PTPN1: variants seen among roughly 807,000 people sequenced by gnomAD.
PTPN1 encodes protein tyrosine phosphatase non-receptor type 1.
A neutral mutation model predicts 59.9 loss-of-function variants in PTPN1; 12 were observed. The observed-to-expected ratio is 0.20, with a 90% CI of 0.13 to 0.32. PTPN1 has a LOEUF of 0.32. Ranked by LOEUF, PTPN1 falls within the 10% of genes least tolerant of loss-of-function variation. The pLI, the probability that PTPN1 is intolerant of heterozygous loss-of-function variation, is 1.00. For missense variants in PTPN1, 356 were observed against 549.2 expected, an observed-to-expected ratio of 0.65 and a Z score of 3.52; for synonymous variants, 178 against 203.6, an observed-to-expected ratio of 0.87 and a Z score of 1.07.
chr20:50,576,897 A>T (rs926428724), intron 5 of PTPN1, among the ~76,000 whole-genome samples: 3 of 152,136 alleles, frequency 2.0e-5, no homozygotes, highest in Admixed American at 6.5e-5. Flanking sequence ...ATAATTTTTT[A>T]AAAATACATT....
chr20:50,516,751 G>T (rs1341052354), intron 1 of PTPN1, among the ~76,000 whole-genome samples: 1 of 152,050 alleles, frequency 6.6e-6, no homozygotes, highest in African/African-American at 2.4e-5. Flanking sequence ...GTAGCAATTG[G>T]GTGGCTTTTC....
chr20:50,516,743 A>C (rs10485614), intron 1 of PTPN1, among the ~76,000 whole-genome samples: 7,193 of 152,250 alleles, frequency 0.047, 244 homozygotes, highest in Middle Eastern at 0.075. Flanking sequence ...TCTCTCAAGT[A>C]GCAATTGGGT....
chr20:50,582,374 TTAAG>T lies in PTPN1; in HGVS notation c.1285-313_1285-310del, dbSNP rs1297030842. Among the ~76,000 whole-genome samples the T allele has an allele frequency of 1.3e-5, 2 of 152,226 alleles. No individual in the cohort carries two copies. Among genetic ancestry groups the T allele is most frequent in the Non-Finnish European group, 2.9e-5 (2 of 68,042 alleles). ...TTCACACGTTAGACGTGTGTTGCTG[TTAAG>T]TAAGGGGAAGAGAGAGGACTAGCCT... On this transcript the variant is annotated intron_variant, in intron 9 of 9. Transcript: ENST00000371621. This position sits in a 1 kb window ranked among gnomAD's most constrained non-coding sequence, Gnocchi z 4.2.
rs373595819 is a variant in PTPN1 at position 50,582,752 on chromosome 20, G to A, written c.*37G>A. ...TCCACTCCACCTCCACCCACTGTCC[G>A]CCTCTGCCCGCAGAGCCCACGCCCG... On this transcript the variant is annotated 3_prime_UTR_variant, in exon 10 of 10. Transcript: ENST00000371621. This position sits in a 1 kb window ranked among gnomAD's most constrained non-coding sequence, Gnocchi z 4.2. 9.3e-6 allele frequency: 15 copies of A among 1,611,778 alleles called. No homozygotes were observed. The highest frequency in any genetic ancestry group is 4.5e-5 in the East Asian group (2 of 44,854).
At chr20:50,581,196 C>T in intron 8 of PTPN1, 69 bp from the exon 9 acceptor site, 1 of 1,520,258 alleles carries the variant, frequency 6.6e-7, no homozygotes, top group African/African-American at 1.4e-5. Flanking sequence ...ATTCCTGCCA[C>T]AATAGCAGCA....
intron 1 of PTPN1, among the ~76,000 whole-genome samples, chr20:50,511,409 G>A (rs1396842232): frequency 6.6e-6 from 1 of 152,116 alleles, no homozygotes; most frequent in Admixed American, 6.5e-5. Context: ...GCAGAAAGCC[G>A]TGAGAATATG....
At position 50,569,578 on chromosome 20, in the gene PTPN1, T is replaced by C. The variant is rs535941899; in HGVS notation, c.354+1100T>C. ...CTGTGTAGATTGTCTGTGTAGACTG[T>C]CCTGTGTAGACTGTCCATGTAAACT... On this transcript the variant is annotated intron_variant, in intron 4 of 9. Transcript: ENST00000371621. Among the ~76,000 whole-genome samples the C allele has an allele frequency of 2.6e-5, 4 of 152,130 alleles. No individual in the cohort carries two copies. In the South Asian group the frequency reaches 8.3e-4, roughly 32 times the overall value.
In PTPN1 at chr20:50,568,419, G is replaced by T; in HGVS notation, c.295G>T (p.Val99Leu). Residue 99 changes from valine (V) to leucine (L), a missense_variant, in exon 4 of 10, where the codon GTG (valine) becomes TTG (leucine). Physicochemically the swap from Val to Leu is conservative, Grantham distance 32. Coordinates refer to ENST00000371621, the MANE Select transcript of PTPN1 (RefSeq NM_002827.4). The surrounding 1 kb of genome is among the most constrained non-coding windows in gnomAD (Gnocchi z 5.6). ...CACATGCGGTCACTTTTGGGAGATG[G>T]TGTGGGAGCAGAAAAGCAGGGGTGT... Reference protein sequence around the residue: ...PNTCGHFWEMVWEQKSRGVVM... With the variant: ...PNTCGHFWEMLWEQKSRGVVM... 6.2e-7 allele frequency: 1 copy of T among 1,614,190 alleles called. No individual in the cohort carries two copies. Among genetic ancestry groups the T allele is most frequent in the Non-Finnish European group, 8.5e-7 (1 of 1,179,998 alleles).
chr20:50,533,063 T>C (rs2082608445), intron 1 of PTPN1, among the ~76,000 whole-genome samples: 1 of 152,050 alleles, frequency 6.6e-6, no homozygotes, highest in Admixed American at 6.6e-5. Flanking sequence ...GGTTTTTGCC[T>C]CTGGTCTACA....
At chr20:50,539,026 C>CTTTTT (rs71190576) in intron 1 of PTPN1, among the ~76,000 whole-genome samples, 2 of 85,292 alleles carry the variant, frequency 2.3e-5, no homozygotes, top group Non-Finnish European at 4.5e-5. Flanking sequence ...CTTCTCAATT[C>CTTTTT]TTTTTTTTTT....
intron 1 of PTPN1, among the ~76,000 whole-genome samples, chr20:50,543,727 G>C (rs1022743626): frequency 2.6e-5 from 4 of 152,104 alleles, no homozygotes; most frequent in Non-Finnish European, 5.9e-5. Context: ...AATGTTAAAT[G>C]CTTTTTTTAA....
chr20:50,529,921 C>T (rs1222067989), intron 1 of PTPN1, among the ~76,000 whole-genome samples: 1 of 152,108 alleles, frequency 6.6e-6, no homozygotes, highest in African/African-American at 2.4e-5. Context: ...GTCGCCCAGG[C>T]TGGAGTGCAG....
At chr20:50,551,819 T>C (rs1413024843) in intron 1 of PTPN1, among the ~76,000 whole-genome samples, 2 of 152,246 alleles carry the variant, frequency 1.3e-5, no homozygotes, top group Non-Finnish European at 2.9e-5. Context: ...TTCAGGGGAC[T>C]CTTCTGGGAA....
chr20:50,535,541 C>A (rs184181594), intron 1 of PTPN1, among the ~76,000 whole-genome samples: 1 of 152,138 alleles, frequency 6.6e-6, no homozygotes, highest in Non-Finnish European at 1.5e-5. Context: ...TGCCCTAATT[C>A]GCCTTAGGAC....
At chr20:50,524,988 C>CAATTTT (rs1478102264) in intron 1 of PTPN1, among the ~76,000 whole-genome samples, 1 of 152,124 alleles carries the variant, frequency 6.6e-6, no homozygotes, top group Non-Finnish European at 1.5e-5. Context: ...TTTTAAATGG[C>CAATTTT]TAAGTGATAA....
intron 1 of PTPN1, among the ~76,000 whole-genome samples, chr20:50,511,774 TTAAA>T (rs1026931302): frequency 5.3e-5 from 8 of 152,224 alleles, no homozygotes; most frequent in South Asian, 2.1e-4. Flanking sequence ...GCACAGTATC[TTAAA>T]TAAGCGATAT....
chr20:50,579,088 G>T, intron 6 of PTPN1, 80 bp from the exon 7 acceptor site: 3 of 1,456,210 alleles, frequency 2.1e-6, no homozygotes, highest in Non-Finnish European at 2.9e-6. Context: ...GATTGGGAGG[G>T]GACAGACATC....
At chr20:50,524,569 C>CTTTGTTTTTTTTTTTTTT (rs2082565200) in intron 1 of PTPN1, among the ~76,000 whole-genome samples, 1 of 45,782 alleles carries the variant, frequency 2.2e-5, no homozygotes, top group African/African-American at 1.1e-4. Flanking sequence ...ATTATGTGGT[C>CTTTGTTTTTTTTTTTTTT]TTTTTTTTTT....
At chr20:50,540,451 A>G (rs960557917) in intron 1 of PTPN1, among the ~76,000 whole-genome samples, 18 of 152,334 alleles carry the variant, frequency 1.2e-4, no homozygotes, top group African/African-American at 4.1e-4. Flanking sequence ...CAGCTCTTAC[A>G]TGAACTCATA....
Sources: allele counts gnomAD v4.1 joint callset (sites outside exome capture counted in the v4.1 genomes callset), GRCh38; gene constraint gnomAD v4.1.1; non-coding constraint Gnocchi (gnomAD v3.1); transcripts MANE v1.5; gene names NCBI Gene and HGNC (gene_info 2026-07-23, HGNC 2026-07-21).